The following STXBP4 variants were observed in gnomAD, a reference collection of about 807,000 sequenced individuals.
STXBP4 encodes the protein syntaxin binding protein 4, also known as syntaxin-binding protein 4.
In STXBP4, 55 loss-of-function variants were observed where a neutral mutation model predicts 76.1. That is an observed-to-expected ratio of 0.72 (90% CI 0.58 to 0.91). STXBP4 has a LOEUF of 0.91. Ranked by LOEUF, STXBP4 falls within the 40% of genes least tolerant of loss-of-function variation. The probability of loss-of-function intolerance (pLI) is 0.00; values close to 1 mark genes in which losing one functional copy is unlikely to be tolerated. For missense variants in STXBP4, 618 were observed against 636.9 expected, an observed-to-expected ratio of 0.97 and a Z score of 0.32; for synonymous variants, 201 against 220.2, an observed-to-expected ratio of 0.91 and a Z score of 0.77.
rs1567706580 is a variant in STXBP4 at position 54,990,722 on chromosome 17, TTGC to T, written c.48-98_48-96del. 36 of 1,373,146 alleles carry T rather than the reference TTGC, an allele frequency of 2.6e-5. 1 individual carries two copies. The highest frequency in any genetic ancestry group is 9.7e-7 in the Non-Finnish European group (1 of 1,031,012). The allele number at this position is 1,373,146 out of a possible 1,614,324, so 85.1% of individuals were successfully genotyped here. On this transcript the variant is annotated intron_variant, in intron 3 of 17. Transcript: ENST00000376352. Reference sequence around the variant, plus strand: ...CCCTGGTACCAAAAAAGGTGAGGGGTTGCTGCTCTAGATCTCAGATTTTGATTT... The same window carrying T: ...CCCTGGTACCAAAAAAGGTGAGGGGTTGCTCTAGATCTCAGATTTTGATTT...
intron 9 of STXBP4, among the ~76,000 whole-genome samples, chr17:55,033,329 G>T (rs997268404): frequency 6.6e-6 from 1 of 151,976 alleles, no homozygotes; most frequent in Admixed American, 6.6e-5. Context: ...AGCCAAGATC[G>T]TGCCACTGCA....
chr17:55,043,438 A>G, intron 11 of STXBP4, 113 bp downstream of exon 11: 1 of 748,760 alleles, frequency 1.3e-6, no homozygotes, highest in South Asian at 2.9e-5. Flanking sequence ...ATGGAAAAAT[A>G]TTAATATCAA....
intron 16 of STXBP4, among the ~76,000 whole-genome samples, chr17:55,101,319 C>T (rs1567762307): frequency 6.6e-6 from 1 of 152,158 alleles, no homozygotes; most frequent in Admixed American, 6.5e-5. Context: ...TAAACACCCT[C>T]CCTACCCCTT....
At chr17:55,086,485 G>T (rs185998499) in intron 16 of STXBP4, among the ~76,000 whole-genome samples, 1 of 152,186 alleles carries the variant, frequency 6.6e-6, no homozygotes, top group East Asian at 1.9e-4. Context: ...TAGAACACTA[G>T]AACTTATTCC....
the STXBP4 span, among the ~76,000 whole-genome samples, chr17:55,198,835 G>A: frequency 2.6e-5 from 4 of 152,176 alleles, no homozygotes; most frequent in South Asian, 6.2e-4. Context: ...CTCCATCCAA[G>A]ACATGAACTG....
At chr17:55,069,705 G>C (rs946639929) in intron 12 of STXBP4, among the ~76,000 whole-genome samples, 4 of 152,100 alleles carry the variant, frequency 2.6e-5, no homozygotes, top group Non-Finnish European at 5.9e-5. Context: ...CAAAACCTCT[G>C]CATCTTTTAC....
At chr17:54,991,693 G>T (rs1043845724) in intron 4 of STXBP4, 1 of 150,146 alleles carries the variant, frequency 6.7e-6, no homozygotes, top group Non-Finnish European at 1.5e-5. Context: ...CAGATATAAA[G>T]AATTTAATAA....
At chr17:55,079,969 A>G (rs1279709905) in intron 15 of STXBP4, among the ~76,000 whole-genome samples, 2 of 152,152 alleles carry the variant, frequency 1.3e-5, no homozygotes, top group African/African-American at 4.8e-5. Flanking sequence ...CTTATGATAC[A>G]AGAAAACTCT....
chr17:55,004,370 T>C (rs1051552897), intron 7 of STXBP4, among the ~76,000 whole-genome samples: 1 of 152,060 alleles, frequency 6.6e-6, no homozygotes, highest in Non-Finnish European at 1.5e-5. Context: ...TACAAAACAT[T>C]CCTTTTCTTC....
Position 55,125,479 on chromosome 17 carries a change from CAAAAAAAAAAAA to C in STXBP4, c.1490-15821_1490-15810del, listed in dbSNP as rs10632680. 6.5e-5 allele frequency among the ~76,000 whole-genome samples: 6 copies of C among 91,766 alleles called. 1 individual carries two copies. The South Asian group carries it at 2.7e-3, about 42-fold the overall frequency. 60.2% of individuals were successfully genotyped at this position (91,766 alleles called of 152,430 possible). A position where few individuals can be genotyped will look rare whatever the true frequency, so the allele number is the denominator to read the frequency against. On this transcript the variant is annotated intron_variant, in intron 16 of 17. Transcript: ENST00000376352. ...CCTATTGTAAACCCTGGACAAAATA[CAAAAAAAAAAAA>C]AAAAAAAAATACAATTGAAGCTTCT...
intron 12 of STXBP4, among the ~76,000 whole-genome samples, chr17:55,058,274 T>C (rs1006680458): frequency 6.6e-6 from 1 of 152,208 alleles, no homozygotes; most frequent in African/African-American, 2.4e-5. Context: ...TATCTCATTG[T>C]GGTTTTGATT....
intron 1 of STXBP4, among the ~76,000 whole-genome samples, chr17:54,970,589 C>T (rs1167380687): frequency 6.6e-6 from 1 of 152,206 alleles, no homozygotes; most frequent in Non-Finnish European, 1.5e-5. Flanking sequence ...TCTTTTTCAT[C>T]TGCATGCACC....
chr17:55,073,787 C>A lies in STXBP4; in HGVS notation c.1188+711C>A, dbSNP rs1218238205. Among the ~76,000 whole-genome samples, 5 of 152,216 alleles carry A rather than the reference C, an allele frequency of 3.3e-5. No homozygotes were observed. In the East Asian group the frequency reaches 5.8e-4, roughly 18 times the overall value. ...GCGGTTACAGACACCTGCCACCACA[C>A]CCAGCTAATTTTTTGTATTTTTGTA... On this transcript the variant is annotated intron_variant, in intron 13 of 17. Coordinates refer to ENST00000376352, the MANE Select transcript of STXBP4 (RefSeq NM_178509.6).
At chr17:55,118,090 A>T (rs141050602) in intron 16 of STXBP4, among the ~76,000 whole-genome samples, 3 of 151,960 alleles carry the variant, frequency 2.0e-5, no homozygotes, top group Non-Finnish European at 2.9e-5. Context: ...CTAGGCCCAT[A>T]GTATGCAAGG....
chr17:55,132,682 C>T (rs2145126598), intron 16 of STXBP4, among the ~76,000 whole-genome samples: 1 of 152,296 alleles, frequency 6.6e-6, no homozygotes. Context: ...ACAGTACCTC[C>T]TCTCATGGAA....
intron 8 of STXBP4, among the ~76,000 whole-genome samples, chr17:55,012,691 T>C (rs1220005036): frequency 6.6e-6 from 1 of 152,210 alleles, no homozygotes; most frequent in African/African-American, 2.4e-5. Flanking sequence ...CTATTAGTTC[T>C]GCCAGCTAAG....
intron 16 of STXBP4, among the ~76,000 whole-genome samples, chr17:55,121,626 A>G (rs1488473108): frequency 6.6e-6 from 1 of 151,934 alleles, no homozygotes; most frequent in African/African-American, 2.4e-5. Context: ...TGTTTTTGTA[A>G]TCTATGGCAG....
At chr17:55,199,401 G>A in the STXBP4 span, among the ~76,000 whole-genome samples, 1 of 152,316 alleles carries the variant, frequency 6.6e-6, no homozygotes, top group Non-Finnish European at 1.5e-5. Flanking sequence ...ATGCAGTTAA[G>A]TTCAAAGAAT....
chr17:55,112,313 T>C (rs1398407166), intron 16 of STXBP4, among the ~76,000 whole-genome samples: 3 of 152,184 alleles, frequency 2.0e-5, no homozygotes, highest in Non-Finnish European at 4.4e-5. Flanking sequence ...ATAGGACTTA[T>C]TGGCCACCTG....
Sources: allele counts gnomAD v4.1 joint callset (sites outside exome capture counted in the v4.1 genomes callset), GRCh38; gene constraint gnomAD v4.1.1; transcripts MANE v1.5; gene names NCBI Gene and HGNC (gene_info 2026-07-23, HGNC 2026-07-21).